The following ST6GALNAC3 variants were observed in gnomAD, a reference collection of about 807,000 sequenced individuals.
ST6GALNAC3 encodes alpha-N-acetylgalactosaminide alpha-2,6-sialyltransferase 3.
In ST6GALNAC3, 25 loss-of-function variants were observed where a neutral mutation model predicts 32.7. The observed-to-expected ratio is 0.76, with a 90% CI of 0.56 to 1.07. The LOEUF (loss-of-function observed/expected upper bound fraction) is 1.07, where lower values mean the gene tolerates loss of function less well. Ranked by LOEUF, ST6GALNAC3 falls within the 50% of genes least tolerant of loss-of-function variation. The pLI is 0.00. For synonymous variants in ST6GALNAC3, 129 were observed against 133.1 expected (o/e 0.97, Z 0.21); for missense variants, 355 against 382.4 (o/e 0.93, Z 0.60).
chr1:76,282,159 T>G (rs1659534105), intron 1 of ST6GALNAC3, among the ~76,000 whole-genome samples: 1 of 151,884 alleles, frequency 6.6e-6, no homozygotes, highest in African/African-American at 2.4e-5. Context: ...GAGTTCTGGT[T>G]TCACTTGTCT....
chr1:76,095,041 A>G (rs1412203308), intron 1 of ST6GALNAC3, among the ~76,000 whole-genome samples: 1 of 152,088 alleles, frequency 6.6e-6, no homozygotes, highest in Non-Finnish European at 1.5e-5. Context: ...GTGATACGAT[A>G]TGTACACTCA....
intron 3 of ST6GALNAC3, among the ~76,000 whole-genome samples, chr1:76,556,692 T>C (rs1019602853): frequency 6.6e-6 from 1 of 152,112 alleles, no homozygotes; most frequent in East Asian, 1.9e-4. Flanking sequence ...TTTCTTCAAA[T>C]CGTTTGACCA....
rs1034220562 is a variant in ST6GALNAC3, at chr1:76,632,806, A to C, written c.*4000A>C. 7.2e-6 allele frequency: 1 copy of C among 138,728 alleles called. No homozygotes were observed. Among genetic ancestry groups the C allele is most frequent in the African/African-American group, 2.5e-5 (1 of 39,952 alleles). The allele number at this position is 138,728 out of a possible 1,614,324, so 8.6% of individuals were successfully genotyped here. A position where few individuals can be genotyped will look rare whatever the true frequency, so the allele number is the denominator to read the frequency against. The stretch of plus-strand genomic sequence containing the variant: ...AATCAGATGACTGATTTAAAAAAAA[A>C]CAACAACAATGTGCCCATCTAGCCT... On this transcript the variant is annotated 3_prime_UTR_variant, in exon 5 of 5. Coordinates refer to ENST00000328299, the MANE Select transcript of ST6GALNAC3 (RefSeq NM_152996.4).
chr1:76,469,742 T>C (rs1408806657), intron 3 of ST6GALNAC3, among the ~76,000 whole-genome samples: 1 of 152,064 alleles, frequency 6.6e-6, no homozygotes, highest in Admixed American at 6.6e-5. Flanking sequence ...ACCACGGGAA[T>C]AGTGAGTGGT....
At chr1:76,288,884 A>C (rs929703789) in intron 1 of ST6GALNAC3, among the ~76,000 whole-genome samples, 2 of 152,208 alleles carry the variant, frequency 1.3e-5, no homozygotes, top group Non-Finnish European at 2.9e-5. Context: ...AGCGAGCAGA[A>C]AAATGAACAC....
intron 1 of ST6GALNAC3, among the ~76,000 whole-genome samples, chr1:76,129,162 A>T (rs898284253): frequency 6.6e-6 from 1 of 151,842 alleles, no homozygotes; most frequent in East Asian, 1.9e-4. Flanking sequence ...TACCAGGGGG[A>T]TTTTGGTATT....
intron 2 of ST6GALNAC3, among the ~76,000 whole-genome samples, chr1:76,365,639 T>C (rs1650306060): frequency 6.6e-6 from 1 of 152,208 alleles, no homozygotes; most frequent in Admixed American, 6.5e-5. Context: ...TCAATGGTTT[T>C]TCCACAAAAT....
At chr1:76,171,873 T>A (rs560331488) in intron 1 of ST6GALNAC3, among the ~76,000 whole-genome samples, 1 of 17,576 alleles carries the variant, frequency 5.7e-5, no homozygotes, top group African/African-American at 8.3e-5. Context: ...ACCAGACAGA[T>A]TCACAGATTC....
At chr1:76,545,210 A>C (rs1051656757) in intron 3 of ST6GALNAC3, among the ~76,000 whole-genome samples, 4 of 152,224 alleles carry the variant, frequency 2.6e-5, no homozygotes, top group Admixed American at 2.6e-4. Context: ...TAAAAGTCAC[A>C]AAGTAGCACA....
intron 3 of ST6GALNAC3, among the ~76,000 whole-genome samples, chr1:76,574,526 C>T (rs187767870): frequency 6.6e-6 from 1 of 152,056 alleles, no homozygotes; most frequent in East Asian, 1.9e-4. Context: ...ACAAAAAGCT[C>T]TCTACTTCCT....
intron 1 of ST6GALNAC3, chr1:76,143,002 G>A: frequency 2.7e-6 from 1 of 365,748 alleles, no homozygotes; most frequent in Non-Finnish European, 5.4e-6. Context: ...GAGGGCAAAG[G>A]AGGGATTACT....
At chr1:76,446,191 C>T (rs975272891) in intron 3 of ST6GALNAC3, among the ~76,000 whole-genome samples, 5 of 152,038 alleles carry the variant, frequency 3.3e-5, no homozygotes, top group African/African-American at 7.2e-5. Flanking sequence ...TTTTAAACAA[C>T]AGTTTTAAGT....
chr1:76,273,211 C>T (rs1302618353), intron 1 of ST6GALNAC3, among the ~76,000 whole-genome samples: 2 of 151,616 alleles, frequency 1.3e-5, no homozygotes, highest in Non-Finnish European at 2.9e-5. Flanking sequence ...TAAAAACCTT[C>T]ATGGATTAAA....
chr1:76,420,732 A>G (rs554765893), intron 3 of ST6GALNAC3, among the ~76,000 whole-genome samples: 5 of 152,098 alleles, frequency 3.3e-5, no homozygotes, highest in African/African-American at 9.6e-5. Flanking sequence ...GTGACTGCTT[A>G]TCTAGTCCTA....
intron 1 of ST6GALNAC3, among the ~76,000 whole-genome samples, chr1:76,168,763 T>A (rs1570284137): frequency 6.6e-6 from 1 of 152,268 alleles, no homozygotes; most frequent in South Asian, 2.1e-4. Context: ...AAAGTCTGTT[T>A]TGTCTGAAAC....
chr1:76,163,218 T>C (rs1651921281), intron 1 of ST6GALNAC3, among the ~76,000 whole-genome samples: 1 of 152,226 alleles, frequency 6.6e-6, no homozygotes, highest in Non-Finnish European at 1.5e-5. Context: ...TATATGATTT[T>C]AAAAGTTGTT....
At chr1:76,282,975 G>T (rs964965633) in intron 1 of ST6GALNAC3, among the ~76,000 whole-genome samples, 1 of 152,066 alleles carries the variant, frequency 6.6e-6, no homozygotes, top group African/African-American at 2.4e-5. Context: ...GGAGGTGGAG[G>T]TTGCAGTAAG....
intron 1 of ST6GALNAC3, among the ~76,000 whole-genome samples, chr1:76,099,569 ACATGAAAG>A (rs201261453): frequency 0.065 from 9,938 of 152,236 alleles, 1,104 homozygotes; most frequent in African/African-American, 0.23. Context: ...AAGAAGCCAG[ACATGAAAG>A]AGTACGTAAT....
intron 3 of ST6GALNAC3, among the ~76,000 whole-genome samples, chr1:76,542,919 GT>G (rs1664079462): frequency 6.6e-6 from 1 of 152,096 alleles, no homozygotes; most frequent in Non-Finnish European, 1.5e-5. Flanking sequence ...TTTGTGCCTT[GT>G]TTTTGCCCTC....
Sources: allele counts gnomAD v4.1 joint callset (sites outside exome capture counted in the v4.1 genomes callset), GRCh38; gene constraint gnomAD v4.1.1; transcripts MANE v1.5; gene names NCBI Gene and HGNC (gene_info 2026-07-23, HGNC 2026-07-21).